The following SEZ6L variants were observed in gnomAD, a reference collection of about 807,000 sequenced individuals.
SEZ6L encodes seizure 6-like protein.
A neutral mutation model predicts 106.2 loss-of-function variants in SEZ6L; 37 were observed. The observed-to-expected ratio is 0.35, with a 90% confidence interval of 0.27 to 0.46. The LOEUF (loss-of-function observed/expected upper bound fraction) is 0.46, where lower values mean the gene tolerates loss of function less well. Among genes scored for constraint, SEZ6L ranks in the 20% least tolerant of loss-of-function variants. The probability of loss-of-function intolerance (pLI) is 1.00; values close to 1 mark genes in which losing one functional copy is unlikely to be tolerated. For synonymous variants in SEZ6L, 541 were observed against 570.4 expected (o/e 0.95, Z 0.73); for missense variants, 1,172 against 1,332.8 (o/e 0.88, Z 1.88).
At chr22:26,380,195 A>G in intron 16 of SEZ6L, 71 bp from the exon 17 acceptor site, 5 of 1,456,320 alleles carry the variant, frequency 3.4e-6, no homozygotes, top group Non-Finnish European at 4.8e-6. Flanking sequence ...AGGTGCAAAG[A>G]ACTGCATCCC....
chr22:26,252,163 G>A (rs1300804174), intron 1 of SEZ6L, among the ~76,000 whole-genome samples: 2 of 152,118 alleles, frequency 1.3e-5, no homozygotes, highest in Admixed American at 1.3e-4. Context: ...AGGTCCCCAG[G>A]TGTCTCATGT....
At chr22:26,330,154 A>G (rs1001509264) in intron 9 of SEZ6L, among the ~76,000 whole-genome samples, 10 of 152,190 alleles carry the variant, frequency 6.6e-5, no homozygotes, top group African/African-American at 2.4e-4. Context: ...GATTGGGGTG[A>G]AGACATGTGC....
intron 12 of SEZ6L, among the ~76,000 whole-genome samples, chr22:26,359,631 C>A (rs1482099528): frequency 2.0e-5 from 3 of 151,786 alleles, no homozygotes; most frequent in Non-Finnish European, 2.9e-5. Context: ...TCCTCAGGAC[C>A]CTGTCTTCAT....
rs569842834 is a variant in SEZ6L at position 26,330,385 on chromosome 22, A to G, written c.2016-10051A>G. Among the ~76,000 whole-genome samples, 15 of 152,340 alleles carry G rather than the reference A, an allele frequency of 9.8e-5. No homozygotes were observed. In the South Asian group the frequency reaches 2.9e-3, roughly 29 times the overall value. On this transcript the variant is annotated intron_variant, in intron 9 of 16. Transcript: ENST00000248933. ...GAGGATAAGATGAAATGGTGCATGTAAAGTGCCTTGAAAAGCCACTTGAAA... is the reference window on the plus strand; with the variant it reads ...GAGGATAAGATGAAATGGTGCATGTGAAGTGCCTTGAAAAGCCACTTGAAA...
intron 1 of SEZ6L, among the ~76,000 whole-genome samples, chr22:26,285,255 T>C (rs1195935776): frequency 6.6e-6 from 1 of 152,212 alleles, no homozygotes; most frequent in Non-Finnish European, 1.5e-5. Flanking sequence ...AATGAATGAA[T>C]GAATGAACGA....
At chr22:26,328,036 G>A (rs1202960654) in intron 9 of SEZ6L, among the ~76,000 whole-genome samples, 3 of 152,240 alleles carry the variant, frequency 2.0e-5, no homozygotes, top group African/African-American at 2.4e-5. Flanking sequence ...TTGCTATTGA[G>A]TGGGGAAATG....
chr22:26,197,708 A>T (rs762411901), intron 1 of SEZ6L, among the ~76,000 whole-genome samples: 6 of 152,172 alleles, frequency 3.9e-5, no homozygotes, highest in Non-Finnish European at 7.4e-5. Flanking sequence ...TATGTAAGAG[A>T]AACACTTTTT....
intron 1 of SEZ6L, among the ~76,000 whole-genome samples, chr22:26,214,892 T>A (rs2078256410): frequency 1.3e-5 from 2 of 152,144 alleles, no homozygotes; most frequent in Middle Eastern, 3.4e-3. Context: ...TAGAAACATA[T>A]AAATGACTAC....
intron 9 of SEZ6L, among the ~76,000 whole-genome samples, chr22:26,316,963 G>A (rs2082023020): frequency 7.8e-6 from 1 of 128,792 alleles, no homozygotes; most frequent in Non-Finnish European, 1.7e-5. Flanking sequence ...AAAGAAGGAG[G>A]GAGGGAGGGA....
intron 1 of SEZ6L, among the ~76,000 whole-genome samples, chr22:26,176,568 G>A (rs1939019381): frequency 6.6e-6 from 1 of 152,218 alleles, no homozygotes; most frequent in African/African-American, 2.4e-5. Context: ...GGCTGGTTGT[G>A]TAGAGAGGAC....
At position 26,189,746 on chromosome 22, in the gene SEZ6L, C is replaced by A. The variant is rs1033807065; in HGVS notation, c.94+19983C>A. 2.0e-5 allele frequency among the ~76,000 whole-genome samples: 3 copies of A among 152,102 alleles called. No homozygotes were observed. The East Asian group carries it at 5.8e-4, about 29-fold the overall frequency. On this transcript the variant is annotated intron_variant, in intron 1 of 16. Transcript: ENST00000248933. ...GCATCCTGGGGGTCCTGGAACGAGTCTCACATGGATACTGGCAGACGACTG... is the reference window on the plus strand; with the variant it reads ...GCATCCTGGGGGTCCTGGAACGAGTATCACATGGATACTGGCAGACGACTG...
intron 1 of SEZ6L, among the ~76,000 whole-genome samples, chr22:26,171,185 A>T (rs546411271): frequency 6.6e-6 from 1 of 152,218 alleles, no homozygotes; most frequent in Non-Finnish European, 1.5e-5. Flanking sequence ...ATCATTGAAG[A>T]ACCCCCACCC....
chr22:26,307,375 C>A (rs1347757557), intron 6 of SEZ6L, among the ~76,000 whole-genome samples: 2 of 151,930 alleles, frequency 1.3e-5, no homozygotes, highest in African/African-American at 4.8e-5. Context: ...ATGCCCCCAC[C>A]TTAGAATTTT....
Position 26,340,502 on chromosome 22 carries a change from G to A in SEZ6L, c.2082G>A (p.Leu694=), listed in dbSNP as rs1710635173. Residue 694 remains leucine (L), a synonymous_variant, in exon 10 of 17, where the codon TTG becomes TTA. Transcript: ENST00000248933. ...YDGDEVMPHI[L]GQYLGNSGPQ... The stretch of plus-strand genomic sequence containing the variant: ...GCGACGAGGTCATGCCCCACATCTT[G>A]GGGCAGTACCTTGGGAACAGTGGCC... The A allele has an allele frequency of 6.2e-7, 1 of 1,613,878 alleles. No homozygotes were observed. The highest frequency in any genetic ancestry group is 1.3e-5 in the African/African-American group (1 of 74,906).
chr22:26,356,578 G>T (rs748868226), intron 12 of SEZ6L, among the ~76,000 whole-genome samples: 7 of 151,790 alleles, frequency 4.6e-5, no homozygotes, highest in Non-Finnish European at 8.8e-5. Flanking sequence ...GGAGGCGGAG[G>T]TTGCAGTGAG....
intron 1 of SEZ6L, among the ~76,000 whole-genome samples, chr22:26,288,634 A>G (rs1394986001): frequency 6.6e-6 from 1 of 152,254 alleles, no homozygotes; most frequent in African/African-American, 2.4e-5. Context: ...TTGATCATTC[A>G]TAAAATAGGA....
At chr22:26,304,424 GAAAGAAAA>G (rs1360477233) in intron 5 of SEZ6L, among the ~76,000 whole-genome samples, 4 of 143,770 alleles carry the variant, frequency 2.8e-5, no homozygotes, top group Non-Finnish European at 4.6e-5. Context: ...AAGAAAGAAA[GAAAGAAAA>G]AGAAAGGAAA....
chr22:26,382,818 C>A lies in SEZ6L; in HGVS notation c.*2523C>A, dbSNP rs1294345184. Reference sequence around the variant, plus strand: ...TGTTTTTATAAGATCAATATTAAAACCCATTGGGATTAAATATTTTTGAAT... The same window carrying A: ...TGTTTTTATAAGATCAATATTAAAAACCATTGGGATTAAATATTTTTGAAT... On this transcript the variant is annotated 3_prime_UTR_variant, in exon 17 of 17. Transcript: ENST00000248933. The A allele has an allele frequency of 2.0e-5, 3 of 152,066 alleles. No homozygotes were observed. Among genetic ancestry groups the A allele is most frequent in the Non-Finnish European group, 4.4e-5 (3 of 68,020 alleles). The allele number at this position is 152,066 out of a possible 1,614,324, so 9.4% of individuals were successfully genotyped here.
At chr22:26,181,488 G>A (rs1250272992) in intron 1 of SEZ6L, among the ~76,000 whole-genome samples, 1 of 152,184 alleles carries the variant, frequency 6.6e-6, no homozygotes, top group Admixed American at 6.5e-5. Flanking sequence ...AGTAAAAAAT[G>A]ATATGCCAGG....
Sources: allele counts gnomAD v4.1 joint callset (sites outside exome capture counted in the v4.1 genomes callset), GRCh38; gene constraint gnomAD v4.1.1; transcripts MANE v1.5; gene names NCBI Gene and HGNC (gene_info 2026-07-23, HGNC 2026-07-21).